The following COG6 variants were observed in gnomAD, a reference collection of about 807,000 sequenced individuals.
COG6 encodes component of oligomeric golgi complex 6, also known as conserved oligomeric Golgi complex subunit 6.
In COG6, 74 loss-of-function variants were observed where a neutral mutation model predicts 88.8. The observed-to-expected ratio is 0.83, with a 90% CI of 0.69 to 1.01. COG6 has a LOEUF of 1.01. Among genes scored for constraint, COG6 ranks in the 50% least tolerant of loss-of-function variants. COG6 has a pLI of 0.00. For synonymous variants in COG6, 286 were observed against 278.7 expected, an observed-to-expected ratio of 1.03 and a Z score of -0.26; for missense variants, 800 against 797.9, an observed-to-expected ratio of 1.00 and a Z score of -0.03.
intron 15 of COG6, among the ~76,000 whole-genome samples, chr13:39,722,260 A>C (rs963290020): frequency 6.6e-6 from 1 of 151,490 alleles, no homozygotes; most frequent in Non-Finnish European, 1.5e-5. Flanking sequence ...TTTGGTTTCT[A>C]GTAAATCCAG....
At chr13:39,790,167 A>G (rs933550767) in exon 19 of COG6, 23 of 152,278 alleles carry the variant, frequency 1.5e-4, no homozygotes, top group African/African-American at 5.3e-4. Flanking sequence ...CAGTCCAGCT[A>G]TCTGGGTTTG....
At chr13:39,660,678 A>G (rs1208488902) in intron 2 of COG6, 132 bp from the exon 3 acceptor site, 7 of 651,802 alleles carry the variant, frequency 1.1e-5, no homozygotes, top group Non-Finnish European at 1.9e-5. Flanking sequence ...CCAATTTTAA[A>G]TATGGGATCT....
Position 39,694,684 on chromosome 13 carries a change from T to G in COG6, c.1125T>G (p.Tyr375Ter), listed in dbSNP as rs774121648. Reference sequence around the variant, plus strand: ...CTGAACCTGGGGCAGTTTTATTATATAAAATTTCTAATCTCCTCAAATTTT... The same window carrying G: ...CTGAACCTGGGGCAGTTTTATTATAGAAAATTTCTAATCTCCTCAAATTTT... Reference protein sequence around the residue: ...IVAEPGAVLLYKISNLLKFYH... With the variant: ...IVAEPGAVLL Residue 375 changes from tyrosine (Y) to a stop codon, truncating the protein, a stop_gained, in exon 12 of 19, where the codon TAT (tyrosine) becomes TAG (stop). Coordinates refer to ENST00000455146, the MANE Select transcript of COG6 (RefSeq NM_020751.3). LOFTEE classifies it high-confidence loss of function. 4.4e-6 allele frequency: 7 copies of G among 1,600,318 alleles called. No individual in the cohort carries two copies. The highest frequency in any genetic ancestry group is 6.0e-6 in the Non-Finnish European group (7 of 1,169,926).
intron 18 of COG6, among the ~76,000 whole-genome samples, chr13:39,765,132 A>T (rs962974825): frequency 2.9e-5 from 4 of 139,178 alleles, no homozygotes; most frequent in African/African-American, 1.0e-4. Flanking sequence ...GCAAGGAAAT[A>T]AGGCAATCAA....
chr13:39,658,953 T>G lies in COG6; in HGVS notation c.154-411T>G, dbSNP rs1012024918. Among the ~76,000 whole-genome samples the G allele has an allele frequency of 2.0e-5, 3 of 152,362 alleles. No homozygotes were observed. In the East Asian group the frequency reaches 5.8e-4, roughly 29 times the overall value. On this transcript the variant is annotated intron_variant, in intron 1 of 18. Transcript: ENST00000455146. ...TAAGTATGCATGTATATATTCCTTTTAAGTTTTTAACTGTTGGTATTACAA... is the reference window on the plus strand; with the variant it reads ...TAAGTATGCATGTATATATTCCTTTGAAGTTTTTAACTGTTGGTATTACAA...
chr13:39,714,318 A>G (rs1878405561), intron 13 of COG6, among the ~76,000 whole-genome samples: 1 of 152,170 alleles, frequency 6.6e-6, no homozygotes, highest in Admixed American at 6.5e-5. Context: ...GTATAGCCAA[A>G]GAAATAACCA....
intron 18 of COG6, among the ~76,000 whole-genome samples, chr13:39,732,414 A>G (rs1879505080): frequency 6.6e-6 from 1 of 152,248 alleles, no homozygotes; most frequent in African/African-American, 2.4e-5. Context: ...AAGCAGGAAA[A>G]TATGAGCCAA....
intron 18 of COG6, among the ~76,000 whole-genome samples, chr13:39,772,808 G>C (rs540519405): frequency 1.3e-5 from 2 of 152,194 alleles, no homozygotes; most frequent in African/African-American, 4.8e-5. Context: ...CCCCCATTGA[G>C]GAACTGAAGG....
intron 18 of COG6, among the ~76,000 whole-genome samples, chr13:39,757,654 ATAAT>A (rs1441651459): frequency 6.6e-6 from 1 of 152,180 alleles, no homozygotes; most frequent in Non-Finnish European, 1.5e-5. Context: ...AATTCTATTA[ATAAT>A]TATATGCAAA....
chr13:39,789,657 A>C (rs916521404), exon 19 of COG6: 1 of 152,188 alleles, frequency 6.6e-6, no homozygotes, highest in Non-Finnish European at 1.5e-5. Flanking sequence ...CCACCAAACC[A>C]GTCACCCCCT....
At chr13:39,683,029 A>G (rs1876406581) in intron 8 of COG6, among the ~76,000 whole-genome samples, 1 of 152,064 alleles carries the variant, frequency 6.6e-6, no homozygotes, top group African/African-American at 2.4e-5. Flanking sequence ...CCTCCCCATT[A>G]CTTTCTGATT....
Position 39,751,003 on chromosome 13 carries a change from T to G in COG6, c.1884T>G (p.Tyr628Ter). The G allele has an allele frequency of 6.2e-7, 1 of 1,613,724 alleles. No homozygotes were observed. ...ELVCRAYGEV[Y>*]AAVMNPINEY... ...TCTGCAGAGCCTATGGTGAAGTGTA[T>G]GCAGCCGTGATGAATCCAATCAATG... Residue 628 changes from tyrosine (Y) to a stop codon, truncating the protein, a stop_gained, in exon 19 of 19, where the codon TAT becomes TAG. Transcript: ENST00000455146. LOFTEE classifies it high-confidence loss of function.
At chr13:39,755,244 T>C (rs372487189), downstream of COG6, among the ~76,000 whole-genome samples, 1 of 152,200 alleles carries the variant, frequency 6.6e-6, no homozygotes, top group Non-Finnish European at 1.5e-5. Context: ...GTTTAACTTA[T>C]GCCGTTTCCA....
rs76099375 is a variant in COG6, at chr13:39,694,586, A to T, written c.1075-48A>T. 886 of 1,177,382 alleles carry T rather than the reference A, an allele frequency of 7.5e-4. 5 individuals carry two copies. In the East Asian group the frequency reaches 0.018, roughly 24 times the overall value. 72.9% of individuals were successfully genotyped at this position (1,177,382 alleles called of 1,614,324 possible). A position where few individuals can be genotyped will look rare whatever the true frequency, so the allele number is the denominator to read the frequency against. ...ATACCATATGTTATTAATGAAAAAA[A>T]GTTATACTTTTAAGAAATGTTTACT... On this transcript the variant is annotated intron_variant, in intron 11 of 18. Transcript: ENST00000455146.
intron 18 of COG6, among the ~76,000 whole-genome samples, chr13:39,784,544 G>A (rs1237672934): frequency 6.6e-6 from 1 of 152,184 alleles, no homozygotes; most frequent in Non-Finnish European, 1.5e-5. Flanking sequence ...CACTGAGTTG[G>A]AATTTGTTAG....
At chr13:39,657,445 T>C (rs1874590866) in intron 1 of COG6, among the ~76,000 whole-genome samples, 18 of 152,318 alleles carry the variant, frequency 1.2e-4, no homozygotes, top group Admixed American at 1.2e-3. Context: ...GTGATTTCAT[T>C]CGTTCAACAT....
chr13:39,675,225 C>T (rs1022281082), intron 4 of COG6, among the ~76,000 whole-genome samples: 5 of 152,034 alleles, frequency 3.3e-5, no homozygotes, highest in African/African-American at 1.2e-4. Context: ...CTAAAAGTTC[C>T]ATATGTTGAT....
At chr13:39,695,589 G>A (rs1263786147) in intron 12 of COG6, among the ~76,000 whole-genome samples, 1 of 151,662 alleles carries the variant, frequency 6.6e-6, no homozygotes, top group South Asian at 2.1e-4. Flanking sequence ...AAAGGTTCAG[G>A]GAGCACTAGT....
At chr13:39,734,176 T>C (rs1879609222) in intron 18 of COG6, among the ~76,000 whole-genome samples, 1 of 152,144 alleles carries the variant, frequency 6.6e-6, no homozygotes, top group African/African-American at 2.4e-5. Context: ...TTTCTAGTTC[T>C]TTAAAATGTA....
Sources: allele counts gnomAD v4.1 joint callset (sites outside exome capture counted in the v4.1 genomes callset), GRCh38; gene constraint gnomAD v4.1.1; transcripts MANE v1.5; gene names NCBI Gene and HGNC (gene_info 2026-07-23, HGNC 2026-07-21).